The following VPS13B variants were observed in gnomAD, a reference collection of about 807,000 sequenced individuals.
The protein encoded by VPS13B is intermembrane lipid transfer protein VPS13B.
A neutral mutation model predicts 426.4 loss-of-function variants in VPS13B; 285 were observed. That is an observed-to-expected ratio of 0.67 (90% CI 0.61 to 0.74). The LOEUF (loss-of-function observed/expected upper bound fraction) is 0.74. Ranked by LOEUF, VPS13B falls within the 30% of genes least tolerant of loss-of-function variation. VPS13B has a pLI of 0.00. For synonymous variants in VPS13B, 1,676 were observed against 1,676.4 expected (o/e 1.00, Z 0.01); for missense variants, 4,537 against 4,782.6 (o/e 0.95, Z 1.51).
intron 34 of VPS13B, among the ~76,000 whole-genome samples, 160 bp from the exon 35 acceptor site, chr8:99,661,194 C>T (rs147368912): frequency 3.7e-4 from 57 of 152,118 alleles, no homozygotes; most frequent in Non-Finnish European, 6.2e-4. Flanking sequence ...TTTTTCAGCG[C>T]GAGTGCTTGT....
At chr8:99,457,164 C>T (rs1236681305) in intron 23 of VPS13B, among the ~76,000 whole-genome samples, 1 of 151,474 alleles carries the variant, frequency 6.6e-6, no homozygotes, top group Non-Finnish European at 1.5e-5. Context: ...CCTGAGTAGC[C>T]ACGATCACAG....
At chr8:99,062,891 A>G (rs1410865330) in intron 3 of VPS13B, among the ~76,000 whole-genome samples, 1 of 152,222 alleles carries the variant, frequency 6.6e-6, no homozygotes, top group Non-Finnish European at 1.5e-5. Flanking sequence ...TGGGCACTCA[A>G]GTATAGAATA....
chr8:99,723,325 A>G (rs1295836144), intron 39 of VPS13B, among the ~76,000 whole-genome samples: 1 of 152,244 alleles, frequency 6.6e-6, no homozygotes, highest in Non-Finnish European at 1.5e-5. Flanking sequence ...CAGATTCAGC[A>G]GTCTAATCCA....
intron 25 of VPS13B, among the ~76,000 whole-genome samples, chr8:99,496,922 GT>G (rs1040804230): frequency 2.6e-5 from 4 of 150,948 alleles, no homozygotes; most frequent in South Asian, 4.2e-4. Context: ...ATTATTTAGT[GT>G]TTTTTTCATT....
intron 35 of VPS13B, among the ~76,000 whole-genome samples, chr8:99,684,046 T>C (rs2130003020): frequency 6.6e-6 from 1 of 152,312 alleles, no homozygotes; most frequent in Non-Finnish European, 1.5e-5. Context: ...AAATGGATAT[T>C]GAATTTTTCA....
intron 19 of VPS13B, among the ~76,000 whole-genome samples, chr8:99,377,421 C>A (rs1024607275): frequency 6.6e-6 from 1 of 152,074 alleles, no homozygotes; most frequent in Admixed American, 6.6e-5. Context: ...ATGTATCTTC[C>A]ATTTCCTTAA....
chr8:99,648,193 ACC>A (rs1438012122), intron 34 of VPS13B, among the ~76,000 whole-genome samples: 2 of 152,204 alleles, frequency 1.3e-5, no homozygotes, highest in Non-Finnish European at 2.9e-5. Context: ...ACTCTGAGAA[ACC>A]AGTAATAAGA....
At chr8:99,383,540 TCAC>T (rs1813948662) in intron 19 of VPS13B, among the ~76,000 whole-genome samples, 1 of 152,180 alleles carries the variant, frequency 6.6e-6, no homozygotes, top group South Asian at 2.1e-4. Flanking sequence ...TATAGTATAT[TCAC>T]CAGGTTGTAC....
At chr8:99,411,449 A>G (rs3134180) in intron 21 of VPS13B, among the ~76,000 whole-genome samples, 26,694 of 152,088 alleles carry the variant, frequency 0.18, 2,846 homozygotes, top group East Asian at 0.37. Context: ...TTCTTTGTAA[A>G]TTCTGGATAT....
intron 3 of VPS13B, among the ~76,000 whole-genome samples, chr8:99,056,709 AG>A (rs1413526039): frequency 6.6e-6 from 1 of 152,030 alleles, no homozygotes; most frequent in Non-Finnish European, 1.5e-5. Flanking sequence ...CATCCAGTGG[AG>A]GTGGCAGGGG....
chr8:99,713,574 C>T (rs1832792793), intron 36 of VPS13B, among the ~76,000 whole-genome samples: 1 of 152,018 alleles, frequency 6.6e-6, no homozygotes, highest in Non-Finnish European at 1.5e-5. Flanking sequence ...AATGTATTTA[C>T]CAGTGGATAG....
At chr8:99,121,486 A>C in intron 8 of VPS13B, 41 bp downstream of exon 8, 1 of 1,609,026 alleles carries the variant, frequency 6.2e-7, no homozygotes, top group Non-Finnish European at 8.5e-7. Context: ...TATCAACTTT[A>C]ATGCTTAAAT....
rs1449318643 is a variant in VPS13B at position 99,247,339 on chromosome 8, C to A, written c.2516-26859C>A. 3.9e-5 allele frequency among the ~76,000 whole-genome samples: 6 copies of A among 152,270 alleles called. No individual in the cohort carries two copies. The South Asian group carries it at 1.2e-3, about 32-fold the overall frequency. ...TTTGTACTTAATGTTTAGATCTAAG[C>A]TACAAAACAGCATACCATATTTTCA... On this transcript the variant is annotated intron_variant, in intron 17 of 61. Transcript: ENST00000357162.
intron 19 of VPS13B, among the ~76,000 whole-genome samples, chr8:99,355,487 A>G (rs1812134398): frequency 6.6e-6 from 1 of 152,174 alleles, no homozygotes; most frequent in Non-Finnish European, 1.5e-5. Context: ...GCTACTCAGG[A>G]GGCTGAGGCA....
At chr8:99,434,631 A>G (rs1181489949) in intron 22 of VPS13B, among the ~76,000 whole-genome samples, 2 of 152,226 alleles carry the variant, frequency 1.3e-5, no homozygotes, top group African/African-American at 4.8e-5. Flanking sequence ...GTGCATAAAA[A>G]TACTAGTTAA....
chr8:99,034,757 C>T (rs552723486), intron 2 of VPS13B, among the ~76,000 whole-genome samples: 5 of 152,304 alleles, frequency 3.3e-5, no homozygotes, highest in African/African-American at 1.2e-4. Context: ...GCTGAGCTGT[C>T]TGTTGTTTTT....
chr8:99,678,173 T>C (rs577421982), intron 35 of VPS13B, among the ~76,000 whole-genome samples: 2 of 152,324 alleles, frequency 1.3e-5, no homozygotes, highest in Admixed American at 6.5e-5. Context: ...TTCAAACTTT[T>C]TTTTACAACT....
intron 17 of VPS13B, among the ~76,000 whole-genome samples, chr8:99,225,362 G>T (rs1361706917): frequency 6.6e-6 from 1 of 151,566 alleles, no homozygotes; most frequent in Admixed American, 6.6e-5. Context: ...TCACTGCAAG[G>T]TTCGCCTCCC....
In VPS13B at chr8:99,871,529, T is replaced by C. The variant is rs771158927; in HGVS notation, c.11577T>C (p.His3859=). The change falls in exon 61 of 62, where the codon CAT becomes CAC. Residue 3859 remains histidine, a synonymous_variant. Transcript: ENST00000357162. ...VVLVRGSGQE[H]EGCLLLTSEV... Reference sequence around the variant, plus strand: ...TGGTGAGGGGCTCAGGCCAGGAGCATGAAGGGTGCTTGCTGCTGACATCAG... The same window carrying C: ...TGGTGAGGGGCTCAGGCCAGGAGCACGAAGGGTGCTTGCTGCTGACATCAG... 3 of 1,614,212 alleles carry C rather than the reference T, an allele frequency of 1.9e-6. No individual in the cohort carries two copies. Among genetic ancestry groups the C allele is most frequent in the Non-Finnish European group, 2.5e-6 (3 of 1,180,038 alleles).
Sources: gnomAD v4.1 joint callset for allele counts (sites outside exome capture counted in the v4.1 genomes callset) on GRCh38, gnomAD v4.1.1 for gene constraint, MANE v1.5 for transcripts, NCBI Gene and HGNC (gene_info 2026-07-23, HGNC 2026-07-21) for gene names.